Variants in NSMCE2 observed in about 807,000 individuals in gnomAD.
The protein encoded by NSMCE2 is NSE2 SUMO ligase component of SMC5/6 complex, also known as E3 SUMO-protein ligase NSE2.
A neutral mutation model predicts 23.8 loss-of-function variants in NSMCE2; 24 were observed. The observed-to-expected ratio is 1.01, with a 90% CI of 0.73 to 1.42. NSMCE2 has a LOEUF of 1.42. Among genes scored for constraint, NSMCE2 ranks in the 40% most tolerant of loss-of-function variants. The probability of loss-of-function intolerance (pLI) is 0.00; values close to 1 mark genes in which losing one functional copy is unlikely to be tolerated. For missense variants in NSMCE2, 284 were observed against 296.5 expected, an observed-to-expected ratio of 0.96 and a Z score of 0.31; for synonymous variants, 92 against 94.1, an observed-to-expected ratio of 0.98 and a Z score of 0.13.
At chr8:125,194,032 C>T (rs1004962095) in intron 5 of NSMCE2, among the ~76,000 whole-genome samples, 4 of 152,126 alleles carry the variant, frequency 2.6e-5, no homozygotes, top group African/African-American at 7.2e-5. Context: ...GGAATGCTTG[C>T]AAAATGTATT....
At chr8:125,349,804 T>G (rs1812956919) in intron 5 of NSMCE2, among the ~76,000 whole-genome samples, 2 of 152,200 alleles carry the variant, frequency 1.3e-5, no homozygotes, top group Non-Finnish European at 2.9e-5. Flanking sequence ...CCTTTGTAAT[T>G]ACCACACAGC....
At chr8:125,119,152 T>G (rs1411433189) in intron 3 of NSMCE2, among the ~76,000 whole-genome samples, 4 of 152,168 alleles carry the variant, frequency 2.6e-5, no homozygotes, top group Non-Finnish European at 5.9e-5. Flanking sequence ...GCTGTTCACC[T>G]CATCTCACCT....
At chr8:125,109,934 C>T (rs761427907) in intron 3 of NSMCE2, among the ~76,000 whole-genome samples, 2 of 151,980 alleles carry the variant, frequency 1.3e-5, no homozygotes, top group Non-Finnish European at 2.9e-5. Flanking sequence ...TTTGAGATTA[C>T]CGAAGCTTAT....
At chr8:125,312,089 AAAAAG>A (rs910936883) in intron 5 of NSMCE2, among the ~76,000 whole-genome samples, 1 of 149,890 alleles carries the variant, frequency 6.7e-6, no homozygotes, top group African/African-American at 2.4e-5. Context: ...AAAAAAAAAA[AAAAAG>A]AAAGAAAAGA....
At chr8:125,274,196 C>A (rs975116127) in intron 5 of NSMCE2, among the ~76,000 whole-genome samples, 11 of 151,754 alleles carry the variant, frequency 7.2e-5, no homozygotes, top group Non-Finnish European at 1.3e-4. Context: ...ATCCCAAGCA[C>A]AAAAGAAAGC....
At chr8:125,266,115 G>A in intron 5 of NSMCE2, among the ~76,000 whole-genome samples, 1 of 125,396 alleles carries the variant, frequency 8.0e-6, no homozygotes, top group South Asian at 2.4e-4. Context: ...TTTTTGAGAT[G>A]GAGTTTTGCT....
intron 4 of NSMCE2, among the ~76,000 whole-genome samples, chr8:125,169,172 A>G (rs1822044590): frequency 1.3e-5 from 2 of 152,040 alleles, no homozygotes; most frequent in African/African-American, 4.8e-5. Context: ...CTCCTCCATA[A>G]TCTCTTTGGT....
intron 5 of NSMCE2, among the ~76,000 whole-genome samples, chr8:125,284,205 A>T (rs1406616270): frequency 2.0e-5 from 3 of 152,022 alleles, no homozygotes; most frequent in African/African-American, 7.2e-5. Flanking sequence ...AGTAAAAAAA[A>T]AAAAGAAAAA....
intron 3 of NSMCE2, among the ~76,000 whole-genome samples, chr8:125,117,848 A>G (rs1819088841): frequency 6.6e-6 from 1 of 152,184 alleles, no homozygotes; most frequent in South Asian, 2.1e-4. Flanking sequence ...ATCCATATAT[A>G]AATGCGTTAG....
At chr8:125,186,525 G>T (rs149554179) in intron 5 of NSMCE2, among the ~76,000 whole-genome samples, 1 of 152,262 alleles carries the variant, frequency 6.6e-6, no homozygotes, top group East Asian at 1.9e-4. Context: ...CAAAAAGCAG[G>T]AATCTGTACA....
chr8:125,318,360 G>T (rs1027813398), intron 5 of NSMCE2, among the ~76,000 whole-genome samples: 1 of 152,096 alleles, frequency 6.6e-6, no homozygotes, highest in African/African-American at 2.4e-5. Context: ...CCAAGATCGC[G>T]CCACTGCACT....
At chr8:125,204,118 AG>A (rs1246296780) in intron 5 of NSMCE2, among the ~76,000 whole-genome samples, 3 of 152,342 alleles carry the variant, frequency 2.0e-5, no homozygotes, top group Admixed American at 6.5e-5. Flanking sequence ...GGATTATAGA[AG>A]GGGGTTATGA....
intron 5 of NSMCE2, among the ~76,000 whole-genome samples, chr8:125,199,374 G>A (rs1312518917): frequency 4.6e-5 from 7 of 152,156 alleles, no homozygotes; most frequent in South Asian, 4.1e-4. Flanking sequence ...ATTCTGGTAC[G>A]TTGTATCTTT....
chr8:125,241,304 A>G (rs1825755588), intron 5 of NSMCE2, among the ~76,000 whole-genome samples: 1 of 152,240 alleles, frequency 6.6e-6, no homozygotes, highest in Non-Finnish European at 1.5e-5. Context: ...ATAGAGTGAA[A>G]AAGACATTGG....
chr8:125,109,577 T>C (rs1463608482), intron 3 of NSMCE2, among the ~76,000 whole-genome samples: 1 of 152,212 alleles, frequency 6.6e-6, no homozygotes, highest in Non-Finnish European at 1.5e-5. Context: ...AATGATCACA[T>C]AGGTATCATT....
intron 7 of NSMCE2, among the ~76,000 whole-genome samples, chr8:125,363,542 A>G (rs113526488): frequency 1.5e-3 from 153 of 103,098 alleles, no homozygotes; most frequent in East Asian, 5.0e-3. Flanking sequence ...GAAAGAAAGA[A>G]AGAGAGAGAG....
At chr8:125,193,915 C>T (rs557371877) in intron 5 of NSMCE2, among the ~76,000 whole-genome samples, 1 of 152,224 alleles carries the variant, frequency 6.6e-6, no homozygotes, top group African/African-American at 2.4e-5. Context: ...AACTGTATGT[C>T]GTTGATTTAT....
chr8:125,106,942 G>A (rs1388557632), intron 3 of NSMCE2, among the ~76,000 whole-genome samples: 2 of 151,480 alleles, frequency 1.3e-5, no homozygotes, highest in Non-Finnish European at 2.9e-5. Flanking sequence ...GTTGCAGTGA[G>A]CCGAGATCAC....
At chr8:125,159,486 A>G (rs1055141827) in intron 4 of NSMCE2, among the ~76,000 whole-genome samples, 33 of 152,206 alleles carry the variant, frequency 2.2e-4, no homozygotes, top group African/African-American at 7.0e-4. Context: ...GCCTAGGAGT[A>G]ATAGGCTTAC....
Sources: gnomAD v4.1 joint callset for allele counts (sites outside exome capture counted in the v4.1 genomes callset) on GRCh38, gnomAD v4.1.1 for gene constraint, MANE v1.5 for transcripts, NCBI Gene and HGNC (gene_info 2026-07-23, HGNC 2026-07-21) for gene names.